Variants in SYN3 observed in about 807,000 individuals in gnomAD.
SYN3 encodes the protein synapsin-3.
A neutral mutation model predicts 65.8 loss-of-function variants in SYN3; 35 were observed. The observed-to-expected ratio is 0.53, with a 90% CI of 0.41 to 0.70. The LOEUF is 0.70. SYN3 is among the 30% of genes least tolerant of loss of function. The probability of loss-of-function intolerance (pLI) is 0.00; values close to 1 mark genes in which losing one functional copy is unlikely to be tolerated. For missense variants in SYN3, 680 were observed against 749.0 expected (o/e 0.91, Z 1.08); for synonymous variants, 270 against 292.9 (o/e 0.92, Z 0.80).
At position 32,511,016 on chromosome 22, in the gene SYN3, T is replaced by TGTGTGTGTGTGTG. The variant is rs1256703339; in HGVS notation, c.*2675_*2676insCACACACACACAC. Among the ~76,000 whole-genome samples the TGTGTGTGTGTGTG allele has an allele frequency of 9.2e-6, 1 of 108,600 alleles. No individual in the cohort carries two copies. The highest frequency in any genetic ancestry group is 8.6e-5 in the Admixed American group (1 of 11,688). 71.2% of individuals were successfully genotyped at this position (108,600 alleles called of 152,430 possible). ...GTGTGTGTGTGTGTGTGTGTGTGTG[T>TGTGTGTGTGTGTG]AAGGGGACTCCTAGAATCACTGGCT... On this transcript the variant is annotated 3_prime_UTR_variant, in exon 14 of 14. Coordinates refer to ENST00000358763, the MANE Select transcript of SYN3 (RefSeq NM_003490.4).
intron 6 of SYN3, among the ~76,000 whole-genome samples, chr22:32,704,654 C>T (rs2060855754): frequency 6.6e-6 from 1 of 152,210 alleles, no homozygotes; most frequent in African/African-American, 2.4e-5. Flanking sequence ...CTGCTTTCCA[C>T]AGTGGTTGAA....
At chr22:32,674,028 A>G (rs2060407650) in intron 6 of SYN3, among the ~76,000 whole-genome samples, 3 of 152,082 alleles carry the variant, frequency 2.0e-5, no homozygotes. Flanking sequence ...CTGTTGCTGA[A>G]ACCCAGGCAA....
intron 6 of SYN3, among the ~76,000 whole-genome samples, chr22:32,759,929 C>T (rs1602079210): frequency 1.2e-5 from 1 of 86,926 alleles, no homozygotes. Context: ...TACCCACGCA[C>T]CCGCAGCCAG....
intron 4 of SYN3, among the ~76,000 whole-genome samples, chr22:32,872,697 A>C (rs563031857): frequency 2.6e-5 from 4 of 152,318 alleles, no homozygotes; most frequent in East Asian, 3.9e-4. Context: ...TAAGCTGGGC[A>C]ACCTGTGGCA....
chr22:32,921,590 G>A (rs1351441397), intron 4 of SYN3, among the ~76,000 whole-genome samples: 2 of 152,160 alleles, frequency 1.3e-5, no homozygotes, highest in African/African-American at 4.8e-5. Flanking sequence ...CAGAGACCTG[G>A]GTTCAAATCC....
At chr22:32,593,646 T>C (rs2059157385) in intron 7 of SYN3, among the ~76,000 whole-genome samples, 1 of 152,004 alleles carries the variant, frequency 6.6e-6, no homozygotes, top group African/African-American at 2.4e-5. Context: ...TCTGGGAAGA[T>C]GCTGAGCCTG....
chr22:32,926,575 G>A (rs192107659), intron 4 of SYN3, among the ~76,000 whole-genome samples: 3 of 152,236 alleles, frequency 2.0e-5, no homozygotes, highest in African/African-American at 7.2e-5. Flanking sequence ...GCATCAGTGA[G>A]CTTTCTTTTG....
At chr22:32,935,095 C>G (rs959518879) in intron 3 of SYN3, among the ~76,000 whole-genome samples, 3 of 152,116 alleles carry the variant, frequency 2.0e-5, no homozygotes, top group African/African-American at 7.2e-5. Context: ...TTTTAAGCCA[C>G]TAAGTGTATG....
In SYN3 at chr22:32,602,314, A is replaced by G. The variant is rs538690342; in HGVS notation, c.712-5578T>C. Reference sequence around the variant, plus strand: ...TCCCTCACCACGTGCAATCTTTGCAAACACGTATGCACGGATATGGCTGAG... The same window carrying G: ...TCCCTCACCACGTGCAATCTTTGCAGACACGTATGCACGGATATGGCTGAG... On this transcript the variant is annotated intron_variant, in intron 6 of 13. Coordinates refer to ENST00000358763, the MANE Select transcript of SYN3 (RefSeq NM_003490.4). Among the ~76,000 whole-genome samples, 8 of 152,324 alleles carry G rather than the reference A, an allele frequency of 5.3e-5. No individual in the cohort carries two copies. In the South Asian group the frequency reaches 1.0e-3, roughly 20 times the overall value.
At chr22:32,739,870 A>G (rs1407511498) in intron 6 of SYN3, among the ~76,000 whole-genome samples, 1 of 152,202 alleles carries the variant, frequency 6.6e-6, no homozygotes, top group African/African-American at 2.4e-5. Context: ...TGCTCTTTTC[A>G]TGCTATGAGC....
chr22:32,800,775 G>T (rs1380859020), intron 6 of SYN3, among the ~76,000 whole-genome samples: 1 of 152,092 alleles, frequency 6.6e-6, no homozygotes, highest in African/African-American at 2.4e-5. Flanking sequence ...ACATGCCCAG[G>T]GTCTTTGCAC....
chr22:32,897,204 T>C (rs1248420198), intron 4 of SYN3, among the ~76,000 whole-genome samples: 1 of 152,018 alleles, frequency 6.6e-6, no homozygotes, highest in African/African-American at 2.4e-5. Flanking sequence ...CGCCCATGGG[T>C]GTAAGATAAG....
intron 6 of SYN3, among the ~76,000 whole-genome samples, chr22:32,640,663 G>A (rs1254938263): frequency 2.0e-5 from 3 of 152,086 alleles, no homozygotes; most frequent in South Asian, 2.1e-4. Flanking sequence ...TCAGGAGATC[G>A]AGACCATCCT....
At chr22:32,864,466 AAG>A (rs1446163371) in intron 6 of SYN3, 1 of 157,558 alleles carries the variant, frequency 6.3e-6, no homozygotes, top group Non-Finnish European at 1.4e-5. Flanking sequence ...TTGGAAAGTG[AAG>A]AGGACATGTA....
At chr22:32,826,427 C>T (rs2047414648) in intron 6 of SYN3, among the ~76,000 whole-genome samples, 2 of 150,376 alleles carry the variant, frequency 1.3e-5, no homozygotes, top group African/African-American at 4.9e-5. Flanking sequence ...AACTCCGTCT[C>T]AAAAATAAAT....
intron 6 of SYN3, among the ~76,000 whole-genome samples, chr22:32,645,395 G>A (rs964741562): frequency 6.6e-6 from 1 of 150,836 alleles, no homozygotes; most frequent in Non-Finnish European, 1.5e-5. Context: ...AGGTGGCGGT[G>A]AGCGAAGATC....
At chr22:32,685,785 C>A (rs1030112299) in intron 6 of SYN3, among the ~76,000 whole-genome samples, 1 of 152,188 alleles carries the variant, frequency 6.6e-6, no homozygotes, top group African/African-American at 2.4e-5. Flanking sequence ...ACCTCATCAT[C>A]CCATTTCTAA....
chr22:32,882,004 G>A (rs1382375821), intron 4 of SYN3, among the ~76,000 whole-genome samples: 1 of 151,382 alleles, frequency 6.6e-6, no homozygotes, highest in East Asian at 1.9e-4. Context: ...GCAGTGAGCC[G>A]AGATCATGCC....
At chr22:32,828,426 G>A (rs1370916163) in intron 6 of SYN3, among the ~76,000 whole-genome samples, 1 of 152,232 alleles carries the variant, frequency 6.6e-6, no homozygotes, top group African/African-American at 2.4e-5. Flanking sequence ...GTTAGAGCCA[G>A]CCTCAGAAAA....
Sources: allele counts gnomAD v4.1 joint callset (sites outside exome capture counted in the v4.1 genomes callset), GRCh38; gene constraint gnomAD v4.1.1; transcripts MANE v1.5; gene names NCBI Gene and HGNC (gene_info 2026-07-23, HGNC 2026-07-21).